FMR1: variants seen among roughly 807,000 people sequenced by gnomAD.
FMR1 encodes fragile X messenger ribonucleoprotein 1.
In FMR1, 13 loss-of-function variants were observed where a neutral mutation model predicts 50.6. The observed-to-expected ratio is 0.26, with a 90% CI of 0.17 to 0.41. The LOEUF (loss-of-function observed/expected upper bound fraction) is 0.41, where lower values mean the gene tolerates loss of function less well. Ranked by LOEUF, FMR1 falls within the 10% of genes least tolerant of loss-of-function variation. The probability of loss-of-function intolerance (pLI) is 1.00; values close to 1 mark genes in which losing one functional copy is unlikely to be tolerated. For synonymous variants in FMR1, 138 were observed against 164.1 expected (o/e 0.84, Z 1.22); for missense variants, 316 against 491.3 (o/e 0.64, Z 3.37).
intron 1 of FMR1, 63 bp downstream of exon 1, chrX:147,912,293 C>G: frequency 9.4e-7 from 1 of 1,061,017 alleles, no homozygotes; most frequent in Non-Finnish European, 1.3e-6. Context: ...TTCTTGGTGT[C>G]GGCGGGAGGC....
intron 7 of FMR1, chrX:147,931,012 G>C (rs1398425753): frequency 8.9e-6 from 1 of 112,141 alleles, no homozygotes; most frequent in Admixed American, 9.5e-5. Context: ...TTTGCCACCT[G>C]TCAACTTGAT....
intron 9 of FMR1, 28 bp downstream of exon 9, chrX:147,932,791 A>ATGTACAACAACTATAT (rs1756363122): frequency 5.0e-6 from 5 of 1,007,842 alleles, no homozygotes; most frequent in Admixed American, 2.2e-5. Flanking sequence ...GTTGACATAT[A>ATGTACAACAACTATAT]GTACAACAAC....
At chrX:147,928,863 G>T in intron 5 of FMR1, 56 bp downstream of exon 5, 1 of 1,128,433 alleles carries the variant, frequency 8.9e-7, no homozygotes, top group Non-Finnish European at 1.2e-6. Flanking sequence ...AATTAGTTTA[G>T]AAGAATTTCT....
chrX:147,944,011 A>G (rs1427629818), intron 14 of FMR1: 1 of 200,051 alleles, frequency 5.0e-6, no homozygotes, highest in Non-Finnish European at 7.6e-6. Context: ...ATCCACAGGA[A>G]TGAAGCTATA....
At chrX:147,931,480 G>A (rs2043605512) in intron 7 of FMR1, among the ~76,000 whole-genome samples, 1 of 111,476 alleles carries the variant, frequency 9.0e-6, no homozygotes, top group Non-Finnish European at 1.9e-5. Context: ...CAAATTATCA[G>A]GTCTGTTGAA....
chrX:147,928,162 G>A (rs2043455683), intron 3 of FMR1, 160 bp from the exon 4 acceptor site: 3 of 453,819 alleles, frequency 6.6e-6, no homozygotes, highest in South Asian at 3.9e-5. Context: ...TGCCTACCTC[G>A]GGGTACATAG....
chrX:147,940,025 G>A (rs1190512888), intron 12 of FMR1: 1 of 105,037 alleles, frequency 9.5e-6, no homozygotes, highest in Non-Finnish European at 2.0e-5. Flanking sequence ...GCCGGGCGTA[G>A]TGGCGGGTGC....
intron 2 of FMR1, among the ~76,000 whole-genome samples, chrX:147,922,741 AT>A: frequency 9.0e-6 from 1 of 111,606 alleles, no homozygotes; most frequent in Non-Finnish European, 1.9e-5. Context: ...AACAGTTATC[AT>A]TTTTTTGGCT....
At position 147,945,531 on chromosome X, in the gene FMR1, T is replaced by C; in HGVS notation, c.1655-3T>C. The C allele has an allele frequency of 8.3e-7, 1 of 1,202,223 alleles. No homozygotes were observed. Among genetic ancestry groups the C allele is most frequent in the Non-Finnish European group, 1.1e-6 (1 of 886,829 alleles). On this transcript the variant is annotated splice_polypyrimidine_tract_variant and splice_region_variant and intron_variant, in intron 15 of 16. Transcript: ENST00000370475. ...GTTGAACCTTTTGAAAATATTCTCA[T>C]AGGAAACGACGATCACTCCCGAACA...
At chrX:147,936,642 A>G in intron 10 of FMR1, 29 bp downstream of exon 10, 2 of 936,953 alleles carry the variant, frequency 2.1e-6, no homozygotes, top group Non-Finnish European at 3.1e-6. Context: ...ATTTTGTGGC[A>G]CATATAATAA....
chrX:147,925,501 A>G, intron 2 of FMR1, 39 bp from the exon 3 acceptor site: 1 of 994,178 alleles, frequency 1.0e-6, no homozygotes, highest in South Asian at 1.9e-5. Context: ...GTTAAACATG[A>G]AAAGCATGTT....
At chrX:147,942,565 G>A (rs957982869) in intron 13 of FMR1, among the ~76,000 whole-genome samples, 4 of 112,412 alleles carry the variant, frequency 3.6e-5, no homozygotes, top group Non-Finnish European at 5.6e-5. Context: ...ATGAGGAATA[G>A]TCAGCATTTT....
intron 9 of FMR1, among the ~76,000 whole-genome samples, chrX:147,934,430 CAT>C (rs1388223788): frequency 1.8e-5 from 2 of 110,547 alleles, no homozygotes; most frequent in Non-Finnish European, 3.8e-5. Flanking sequence ...GGATCCACCT[CAT>C]AGAGTTGATG....
chrX:147,935,950 A>T (rs1259338850), intron 9 of FMR1, among the ~76,000 whole-genome samples: 1 of 112,217 alleles, frequency 8.9e-6, no homozygotes, highest in East Asian at 2.8e-4. Context: ...TTTTGGATGT[A>T]TGTATAGCTG....
intron 3 of FMR1, among the ~76,000 whole-genome samples, chrX:147,926,633 G>A (rs554131137): frequency 5.4e-5 from 6 of 110,288 alleles, no homozygotes; most frequent in Admixed American, 9.8e-5. Flanking sequence ...GATTACAGTC[G>A]CCCACCACCA....
intron 12 of FMR1, among the ~76,000 whole-genome samples, chrX:147,938,378 T>C: frequency 9.0e-6 from 1 of 111,703 alleles, no homozygotes; most frequent in Non-Finnish European, 1.9e-5. Context: ...CTTTAAATTA[T>C]CTTCTCCCTT....
rs2043484317 is a variant in FMR1, at chrX:147,928,892, A to T, written c.419+85A>T. On this transcript the variant is annotated intron_variant, in intron 5 of 16. Coordinates refer to ENST00000370475, the MANE Select transcript of FMR1 (RefSeq NM_002024.6). ...AATTTCTAGTAGTTTAAAATTTTTT[A>T]AACTACTAGAAATTGATTTTAAATT... 3 of 978,030 alleles carry T rather than the reference A, an allele frequency of 3.1e-6. No individual in the cohort carries two copies. The African/African-American group carries it at 5.8e-5, about 19-fold the overall frequency. The allele number at this position is 978,030 out of a possible 1,213,427, so 80.6% of individuals were successfully genotyped here. A position where few individuals can be genotyped will look rare whatever the true frequency, so the allele number is the denominator to read the frequency against.
At chrX:147,915,217 A>T (rs958187757) in intron 1 of FMR1, among the ~76,000 whole-genome samples, 16 of 112,128 alleles carry the variant, frequency 1.4e-4, no homozygotes, top group Non-Finnish European at 2.6e-4. Flanking sequence ...GCTAAATATG[A>T]TAAAGTGTAC....
At chrX:147,944,565 A>T in intron 14 of FMR1, 2 of 910,862 alleles carry the variant, frequency 2.2e-6, no homozygotes, top group South Asian at 7.0e-5. Flanking sequence ...ATAGATGTTT[A>T]AAGGAACACA....
Sources: allele counts gnomAD v4.1 joint callset (sites outside exome capture counted in the v4.1 genomes callset), GRCh38; gene constraint gnomAD v4.1.1; transcripts MANE v1.5; gene names NCBI Gene and HGNC (gene_info 2026-07-23, HGNC 2026-07-21).